Variants in EHBP1 observed in about 807,000 individuals in gnomAD.
EHBP1 encodes the protein EH domain binding protein 1.
EHBP1 carries 55 observed loss-of-function variants against 144.0 expected under a neutral mutation model. The ratio of observed to expected loss-of-function variants is 0.38; its 90% confidence interval spans 0.31 to 0.48. EHBP1 has a LOEUF of 0.48. EHBP1 is among the 20% of genes least tolerant of loss of function. The pLI, the probability that EHBP1 is intolerant of heterozygous loss-of-function variation, is 0.98. For missense variants in EHBP1, 1,200 were observed against 1,364.2 expected, an observed-to-expected ratio of 0.88 and a Z score of 1.90; for synonymous variants, 469 against 472.7, an observed-to-expected ratio of 0.99 and a Z score of 0.10.
chr2:62,692,101 A>T (rs1006753137), intron 1 of EHBP1, among the ~76,000 whole-genome samples: 4 of 152,142 alleles, frequency 2.6e-5, no homozygotes, highest in African/African-American at 2.4e-5. Flanking sequence ...TTTGTCTTTT[A>T]CGGACATTTC....
At chr2:62,890,047 C>T (rs560886831) in intron 10 of EHBP1, among the ~76,000 whole-genome samples, 60 of 151,032 alleles carry the variant, frequency 4.0e-4, no homozygotes, top group Non-Finnish European at 7.5e-4. Context: ...CTGCAACCTC[C>T]GCCTCTGGGT....
intron 1 of EHBP1, among the ~76,000 whole-genome samples, chr2:62,690,262 G>A (rs1448290530): frequency 2.0e-5 from 3 of 152,032 alleles, no homozygotes; most frequent in Non-Finnish European, 2.9e-5. Flanking sequence ...GGGTTTTGAA[G>A]TGAAAAAAAT....
intron 10 of EHBP1, among the ~76,000 whole-genome samples, chr2:62,926,152 A>C (rs2055488499): frequency 6.6e-6 from 1 of 152,170 alleles, no homozygotes; most frequent in Admixed American, 6.5e-5. Flanking sequence ...CTCATTGGGG[A>C]AAGATAGTCT....
chr2:63,031,798 G>T (rs566411037), intron 19 of EHBP1, among the ~76,000 whole-genome samples: 2 of 151,984 alleles, frequency 1.3e-5, no homozygotes, highest in Admixed American at 1.3e-4. Flanking sequence ...GTGTGGTGGC[G>T]CACACCTGTG....
chr2:62,903,436 T>C (rs1277262643), intron 10 of EHBP1, among the ~76,000 whole-genome samples: 2 of 152,038 alleles, frequency 1.3e-5, no homozygotes. Flanking sequence ...AAATAAATAA[T>C]TAAAAATTTG....
intron 7 of EHBP1, among the ~76,000 whole-genome samples, chr2:62,833,595 A>C (rs2046986086): frequency 1.3e-5 from 2 of 152,218 alleles, no homozygotes; most frequent in African/African-American, 2.4e-5. Context: ...TGCTTTCCAA[A>C]ATACTACTAC....
At chr2:62,696,324 C>A (rs925132029) in intron 1 of EHBP1, among the ~76,000 whole-genome samples, 1 of 151,852 alleles carries the variant, frequency 6.6e-6, no homozygotes, top group Admixed American at 6.6e-5. Context: ...GCGCTCACCA[C>A]CACACCTGGC....
intron 4 of EHBP1, among the ~76,000 whole-genome samples, chr2:62,767,574 C>T (rs369233607): frequency 6.6e-6 from 1 of 151,798 alleles, no homozygotes; most frequent in Admixed American, 6.6e-5. Context: ...GTGGCTCACT[C>T]CTGTAATCCC....
intron 3 of EHBP1, among the ~76,000 whole-genome samples, chr2:62,762,799 G>T (rs1430891856): frequency 2.0e-5 from 3 of 152,016 alleles, no homozygotes; most frequent in African/African-American, 7.2e-5. Context: ...CTTATGTTTG[G>T]AACCTGTTCT....
intron 15 of EHBP1, among the ~76,000 whole-genome samples, chr2:62,979,886 A>G (rs938348011): frequency 2.0e-5 from 3 of 152,172 alleles, no homozygotes; most frequent in African/African-American, 7.2e-5. Flanking sequence ...CAAGGGCTAT[A>G]TATATATAAA....
intron 2 of EHBP1, among the ~76,000 whole-genome samples, chr2:62,714,673 AT>A (rs1432638564): frequency 1.3e-5 from 2 of 152,206 alleles, no homozygotes; most frequent in African/African-American, 4.8e-5. Flanking sequence ...TGTTGTTATT[AT>A]TTTTTATCTG....
intron 3 of EHBP1, among the ~76,000 whole-genome samples, chr2:62,747,727 T>A (rs1464001404): frequency 6.6e-6 from 1 of 151,930 alleles, no homozygotes; most frequent in Non-Finnish European, 1.5e-5. Flanking sequence ...GGTGCAAAAG[T>A]AATTGCGGTT....
chr2:62,849,606 T>C (rs1321242644), intron 7 of EHBP1, among the ~76,000 whole-genome samples: 3 of 152,184 alleles, frequency 2.0e-5, no homozygotes, highest in African/African-American at 4.8e-5. Context: ...GATAGATACA[T>C]AGATAAAACA....
intron 14 of EHBP1, among the ~76,000 whole-genome samples, chr2:62,968,804 C>T (rs2058362808): frequency 6.6e-6 from 1 of 152,184 alleles, no homozygotes; most frequent in Admixed American, 6.5e-5. Flanking sequence ...TCTCCTTCTG[C>T]ATGAGTAGGT....
At chr2:62,939,774 A>G (rs998266626) in intron 10 of EHBP1, 1 of 160,782 alleles carries the variant, frequency 6.2e-6, no homozygotes, top group Admixed American at 6.5e-5. Context: ...GCCCCAAGGT[A>G]GAAACATGTC....
chr2:63,045,489 G>A lies in EHBP1; in HGVS notation c.3472G>A (p.Val1158Ile), dbSNP rs2061921784. The change falls in exon 23 of 23, where the codon GTT becomes ATT. Residue 1158 changes from valine (V) to isoleucine (I), a missense_variant. Transcript: ENST00000431489. The surrounding 1 kb of genome is among the most constrained non-coding windows in gnomAD (Gnocchi z 5.7). The part of the protein sequence containing the change: ...GKMAKKEEKC[V>I]LQ ...GATGGCCAAGAAAGAGGAGAAATGT[G>A]TTCTTCAGTAGCCATCAGATCAGAA... The A allele has an allele frequency of 6.2e-7, 1 of 1,613,148 alleles. No homozygotes were observed. Among genetic ancestry groups the A allele is most frequent in the Non-Finnish European group, 8.5e-7 (1 of 1,179,400 alleles).
chr2:62,702,263 A>G (rs1389199411), upstream of EHBP1, among the ~76,000 whole-genome samples: 1 of 152,232 alleles, frequency 6.6e-6, no homozygotes, highest in East Asian at 1.9e-4. Flanking sequence ...CAAATTTTAA[A>G]TTATTTTAAA....
chr2:62,843,822 TA>T, intron 7 of EHBP1, among the ~76,000 whole-genome samples: 1 of 152,290 alleles, frequency 6.6e-6, no homozygotes, highest in East Asian at 1.9e-4. Flanking sequence ...GGACATATTT[TA>T]TAAGCATGGT....
intron 2 of EHBP1, among the ~76,000 whole-genome samples, chr2:62,726,404 G>C (rs1205197364): frequency 6.6e-6 from 1 of 152,174 alleles, no homozygotes; most frequent in African/African-American, 2.4e-5. Context: ...CCCGTGCTGG[G>C]TTTCCAGCTT....
Sources: gnomAD v4.1 joint callset for allele counts (sites outside exome capture counted in the v4.1 genomes callset) on GRCh38, gnomAD v4.1.1 for gene constraint, Gnocchi (gnomAD v3.1) non-coding constraint, MANE v1.5 for transcripts, NCBI Gene and HGNC (gene_info 2026-07-23, HGNC 2026-07-21) for gene names.